Variants in GRM4 observed in about 807,000 individuals in gnomAD.
The protein encoded by GRM4 is glutamate metabotropic receptor 4, also known as metabotropic glutamate receptor 4.
Under a neutral mutation model 81.7 loss-of-function variants are expected in GRM4, and 28 were observed. The observed-to-expected ratio is 0.34, with a 90% CI of 0.25 to 0.47. The LOEUF (loss-of-function observed/expected upper bound fraction) is 0.47, where lower values mean the gene tolerates loss of function less well. GRM4 is among the 20% of genes least tolerant of loss of function. The pLI is 1.00. For synonymous variants in GRM4, 488 were observed against 528.8 expected (o/e 0.92, Z 1.06); for missense variants, 948 against 1,290.0 (o/e 0.73, Z 4.06).
rs1437574431 is a variant in GRM4, at chr6:34,034,314, C to T, written c.2442+1354G>A. ...AAGCATGGTGTCCTCCTTGACTCGACTGTCTCCTCGTCTCCCACCCAACGT... is the reference window on the plus strand; with the variant it reads ...AAGCATGGTGTCCTCCTTGACTCGATTGTCTCCTCGTCTCCCACCCAACGT... On this transcript the variant is annotated intron_variant, in intron 9 of 10. Coordinates refer to ENST00000538487, the MANE Select transcript of GRM4 (RefSeq NM_000841.4). The surrounding 1 kb of genome is among the most constrained non-coding windows in gnomAD (Gnocchi z 4.0). Among the ~76,000 whole-genome samples, 1 of 152,204 alleles carries T rather than the reference C, an allele frequency of 6.6e-6. No individual in the cohort carries two copies. The highest frequency in any genetic ancestry group is 6.5e-5 in the Admixed American group (1 of 15,282).
At position 34,115,676 on chromosome 6, in the gene GRM4, T is replaced by G. The variant is rs887688125; in HGVS notation, c.519+17302A>C. 6.6e-6 allele frequency among the ~76,000 whole-genome samples: 1 copy of G among 152,178 alleles called. No homozygotes were observed. Among genetic ancestry groups the G allele is most frequent in the African/African-American group, 2.4e-5 (1 of 41,434 alleles). On this transcript the variant is annotated intron_variant, in intron 2 of 10. Transcript: ENST00000538487. This position sits in a 1 kb window ranked among gnomAD's most constrained non-coding sequence, Gnocchi z 4.1. ...CCCTGGGACAAGCCTTGCTGGGTTT[T>G]GGGCCCAACTCCAATCCTCTGTCTG...
rs1234027746 is a variant in GRM4 at position 34,068,722 on chromosome 6, C to T, written c.737-6694G>A. On this transcript the variant is annotated intron_variant, in intron 3 of 10. Coordinates refer to ENST00000538487, the MANE Select transcript of GRM4 (RefSeq NM_000841.4). This position sits in a 1 kb window ranked among gnomAD's most constrained non-coding sequence, Gnocchi z 4.2. ...AGGAGCCGGCTTGTGCCCTGCCTCA[C>T]CCACTCCCTGCTGTGGGGAGACAGT... Among the ~76,000 whole-genome samples, 1 of 152,192 alleles carries T rather than the reference C, an allele frequency of 6.6e-6. No individual in the cohort carries two copies. The highest frequency in any genetic ancestry group is 1.9e-4 in the East Asian group (1 of 5,184).
intron 3 of GRM4, among the ~76,000 whole-genome samples, chr6:34,084,579 G>A (rs1038994436): frequency 6.6e-6 from 1 of 152,174 alleles, no homozygotes; most frequent in Non-Finnish European, 1.5e-5. Flanking sequence ...AGTTAGGCAC[G>A]ACAAGTGGAG....
At position 34,035,940 on chromosome 6, in the gene GRM4, G is replaced by A; in HGVS notation, c.2170C>T (p.His724Tyr). 6.2e-7 allele frequency: 1 copy of A among 1,611,144 alleles called. No individual in the cohort carries two copies. Among genetic ancestry groups the A allele is most frequent in the Non-Finnish European group, 8.5e-7 (1 of 1,177,582 alleles). ...TGGTCCTGGAAGTCCACCACCGAGT[G>A]GGAGGGGTCCACCACAAACCACACA... is the stretch of plus-strand genomic sequence containing the variant. ...ICVWFVVDPS[H>Y]SVVDFQDQRT... is the part of the protein sequence containing the mutation. The change falls in exon 9 of 11, where the codon CAC (histidine) becomes TAC (tyrosine). Residue 724 changes from histidine (H) to tyrosine (Y), a missense_variant. His to Tyr is a moderately conservative substitution (Grantham distance 83). Coordinates refer to ENST00000538487, the MANE Select transcript of GRM4 (RefSeq NM_000841.4). This position sits in a 1 kb window ranked among gnomAD's most constrained non-coding sequence, Gnocchi z 6.6.
At chr6:34,103,717 A>G in intron 2 of GRM4, 1 of 1,520,548 alleles carries the variant, frequency 6.6e-7, no homozygotes, top group Non-Finnish European at 8.8e-7. Context: ...TTTTCCAAGG[A>G]GGGCTCAAAG....
At chr6:34,053,666 CT>C (rs1444065744) in intron 6 of GRM4, among the ~76,000 whole-genome samples, 1 of 152,244 alleles carries the variant, frequency 6.6e-6, no homozygotes, top group Non-Finnish European at 1.5e-5. Context: ...GTCACCCACC[CT>C]TCCCTCCAAG....
rs1767229895 is a variant in GRM4, at chr6:34,074,817, G to A, written c.737-12789C>T. ...AGGCAGATGGTGGCAGGAGGGGCCTGGATGGGGCAGGACACAAAGAGATGG... is the reference window on the plus strand; with the variant it reads ...AGGCAGATGGTGGCAGGAGGGGCCTAGATGGGGCAGGACACAAAGAGATGG... On this transcript the variant is annotated intron_variant, in intron 3 of 10. Coordinates refer to ENST00000538487, the MANE Select transcript of GRM4 (RefSeq NM_000841.4). The surrounding 1 kb of genome is among the most constrained non-coding windows in gnomAD (Gnocchi z 4.9). 6.6e-6 allele frequency among the ~76,000 whole-genome samples: 1 copy of A among 152,184 alleles called. No individual in the cohort carries two copies. The highest frequency in any genetic ancestry group is 1.9e-4 in the East Asian group (1 of 5,204).
intron 9 of GRM4, among the ~76,000 whole-genome samples, chr6:34,030,828 C>T (rs990416054): frequency 4.6e-5 from 7 of 152,210 alleles, no homozygotes; most frequent in South Asian, 2.1e-4. Context: ...AGCCTTTCTG[C>T]GAACAAAATT....
At chr6:34,028,051 C>T (rs2306926) in intron 10 of GRM4, 69 bp downstream of exon 10, 22,869 of 1,497,846 alleles carry the variant, frequency 0.015, 206 homozygotes, top group East Asian at 0.028. Flanking sequence ...GGGGCAGGAG[C>T]TCAGCCCACC....
Position 34,078,237 on chromosome 6 carries a change from G to A in GRM4, c.736+13646C>T, listed in dbSNP as rs117214997. ...CAGCTCCTGTTCCTCTGCGCTTCCT[G>A]TCTTCCCCTACTCTCTCCTGCCCAC... On this transcript the variant is annotated intron_variant, in intron 3 of 10. Transcript: ENST00000538487. The surrounding 1 kb of genome is among the most constrained non-coding windows in gnomAD (Gnocchi z 4.8). Among the ~76,000 whole-genome samples, 29 of 152,134 alleles carry A rather than the reference G, an allele frequency of 1.9e-4. 1 individual carries two copies. The East Asian group carries it at 5.6e-3, about 29-fold the overall frequency.
chr6:34,044,119 G>GAC (rs71678350), intron 6 of GRM4, among the ~76,000 whole-genome samples: 77 of 139,590 alleles, frequency 5.5e-4, no homozygotes, highest in Middle Eastern at 8.1e-3. Context: ...TATATACACA[G>GAC]ACACACACAC....
rs1581747731 is a variant in GRM4, at chr6:34,152,281, A to T, written c.312+2798T>A. ...CAGAGCCTGGAGGAGCCCGCATCCC[A>T]CTCAGGCCACCTCCAAGCCTGGCTG... is the stretch of plus-strand genomic sequence containing the variant. On this transcript the variant is annotated intron_variant, in intron 1 of 8. Coordinates refer to the GRM4 transcript ENST00000374177. This position sits in a 1 kb window ranked among gnomAD's most constrained non-coding sequence, Gnocchi z 4.1. 1.3e-5 allele frequency among the ~76,000 whole-genome samples: 2 copies of T among 152,052 alleles called. No individual in the cohort carries two copies. Among genetic ancestry groups the T allele is most frequent in the African/African-American group, 4.8e-5 (2 of 41,426 alleles).
At position 34,123,537 on chromosome 6, in the gene GRM4, G is replaced by A. The variant is rs1186470307; in HGVS notation, c.519+9441C>T. On this transcript the variant is annotated intron_variant, in intron 2 of 10. Transcript: ENST00000538487. ...CCCATTTCCCAGCTGAGATGAGCGA[G>A]GTCCAGGAGGGTCAGACTTCTGGAG... Among the ~76,000 whole-genome samples the A allele has an allele frequency of 9.2e-5, 14 of 152,274 alleles. No individual in the cohort carries two copies. In the East Asian group the frequency reaches 2.7e-3, roughly 29 times the overall value.
chr6:34,031,385 G>A (rs1764409474), intron 9 of GRM4, among the ~76,000 whole-genome samples: 1 of 152,216 alleles, frequency 6.6e-6, no homozygotes, highest in African/African-American at 2.4e-5. Context: ...TTTGATACAG[G>A]AGGACAGAGG....
chr6:34,019,629 C>T lies in GRM4; in HGVS notation c.*3192G>A, dbSNP rs1763800470. The T allele has an allele frequency of 6.6e-6, 1 of 152,198 alleles. No homozygotes were observed. 9.4% of individuals were successfully genotyped at this position (152,198 alleles called of 1,614,324 possible). On this transcript the variant is annotated 3_prime_UTR_variant, in exon 11 of 11. Coordinates refer to ENST00000538487, the MANE Select transcript of GRM4 (RefSeq NM_000841.4). The stretch of plus-strand genomic sequence containing the variant: ...CTGCTAGCCCAATCCTTCATTCAGA[C>T]ATTGAGGAGGCTGAGGCCACGGGGG...
chr6:34,153,391 C>T (rs1043240429), intron 1 of GRM4, among the ~76,000 whole-genome samples: 4 of 152,252 alleles, frequency 2.6e-5, no homozygotes, highest in Non-Finnish European at 5.9e-5. Context: ...ACACTCCGGG[C>T]ATCTCCATCC....
chr6:34,147,986 C>G (rs891692167), upstream of GRM4, among the ~76,000 whole-genome samples: 2 of 151,962 alleles, frequency 1.3e-5, no homozygotes, highest in African/African-American at 4.8e-5. Flanking sequence ...TAAAACAAAC[C>G]CAGCCACTCT....
intron 2 of GRM4, among the ~76,000 whole-genome samples, chr6:34,112,857 T>C (rs1302104997): frequency 6.6e-6 from 1 of 152,186 alleles, no homozygotes; most frequent in Non-Finnish European, 1.5e-5. Context: ...CCTAACTTCC[T>C]CTGTCAGTTT....
intron 1 of GRM4, among the ~76,000 whole-genome samples, chr6:34,141,957 A>G (rs1368551827): frequency 6.6e-6 from 1 of 152,174 alleles, no homozygotes; most frequent in African/African-American, 2.4e-5. Flanking sequence ...AGAGACATAA[A>G]CAGCTCGCAG....
Sources: allele counts gnomAD v4.1 joint callset (sites outside exome capture counted in the v4.1 genomes callset), GRCh38; gene constraint gnomAD v4.1.1; non-coding constraint Gnocchi (gnomAD v3.1); transcripts MANE v1.5; gene names NCBI Gene and HGNC (gene_info 2026-07-23, HGNC 2026-07-21).